The following SPAG1 variants were observed in gnomAD, a reference collection of about 807,000 sequenced individuals.
The protein encoded by SPAG1 is sperm-associated antigen 1.
Under a neutral mutation model 100.5 loss-of-function variants are expected in SPAG1, and 69 were observed. The ratio of observed to expected loss-of-function variants is 0.69; its 90% CI spans 0.57 to 0.84. The LOEUF is 0.84. SPAG1 is among the 40% of genes least tolerant of loss of function. The probability of loss-of-function intolerance (pLI) is 0.00; values close to 1 mark genes in which losing one functional copy is unlikely to be tolerated. For synonymous variants in SPAG1, 336 were observed against 411.6 expected, an observed-to-expected ratio of 0.82 and a Z score of 2.22; for missense variants, 955 against 1,133.1, an observed-to-expected ratio of 0.84 and a Z score of 2.26.
intron 2 of SPAG1, among the ~76,000 whole-genome samples, chr8:100,163,058 A>G (rs1051719634): frequency 6.6e-6 from 1 of 152,160 alleles, no homozygotes; most frequent in Non-Finnish European, 1.5e-5. Flanking sequence ...ATATCACCTG[A>G]CAACAAGGGA....
intron 14 of SPAG1, among the ~76,000 whole-genome samples, chr8:100,226,332 G>T (rs944018292): frequency 9.2e-5 from 14 of 152,110 alleles, no homozygotes; most frequent in Non-Finnish European, 1.9e-4. Flanking sequence ...TGTCTCACAA[G>T]GAGGTTGTCA....
chr8:100,206,132 T>C (rs1288591696), intron 10 of SPAG1, among the ~76,000 whole-genome samples: 1 of 150,200 alleles, frequency 6.7e-6, no homozygotes, highest in Non-Finnish European at 1.5e-5. Flanking sequence ...GACCGATGGA[T>C]CTTGGAGCAT....
At chr8:100,218,652 T>C (rs1405831856) in intron 12 of SPAG1, among the ~76,000 whole-genome samples, 3 of 152,348 alleles carry the variant, frequency 2.0e-5, no homozygotes, top group South Asian at 2.1e-4. Flanking sequence ...AAGAAAAAAC[T>C]AGCACAGCAC....
At chr8:100,188,102 GC>G (rs1181649340) in intron 8 of SPAG1, among the ~76,000 whole-genome samples, 1 of 151,942 alleles carries the variant, frequency 6.6e-6, no homozygotes, top group Non-Finnish European at 1.5e-5. Context: ...TGATCCACCT[GC>G]TTCAGCCTCC....
At chr8:100,232,346 C>G (rs1818813325) in intron 15 of SPAG1, among the ~76,000 whole-genome samples, 1 of 152,076 alleles carries the variant, frequency 6.6e-6, no homozygotes, top group South Asian at 2.1e-4. Context: ...TTCTGAGGGT[C>G]TAGATCCTTT....
chr8:100,206,382 C>A (rs1373712238), intron 10 of SPAG1, among the ~76,000 whole-genome samples: 1 of 152,160 alleles, frequency 6.6e-6, no homozygotes, highest in Admixed American at 6.5e-5. Flanking sequence ...ATCAACTCTG[C>A]GGCTTTGTGT....
In SPAG1 at chr8:100,239,269, TAA is replaced by T. The variant is rs753714871; in HGVS notation, c.2147_2148del (p.Lys716SerfsTer10). On this transcript the variant is annotated frameshift_variant, in exon 17 of 19. Transcript: ENST00000388798. LOFTEE classifies it high-confidence loss of function. The surrounding 1 kb of genome is among the most constrained non-coding windows in gnomAD (Gnocchi z 5.0). ...NYQKSLIDLNKVILLDPSIIE... is the reference protein window; with the variant it reads ...NYQKSLIDLNXVILLDPSIIE... ...ATCAGAAAAGCTTAATTGATCTCAA[TAA>T]AGTTATCCTACTAGATCCAAGTATT... 2 of 1,524,826 alleles carry T rather than the reference TAA, an allele frequency of 1.3e-6. No individual in the cohort carries two copies. The highest frequency in any genetic ancestry group is 1.8e-6 in the Non-Finnish European group (2 of 1,137,802). 94.5% of individuals were successfully genotyped at this position (1,524,826 alleles called of 1,614,324 possible).
At chr8:100,214,430 GCA>G (rs1360634813) in intron 12 of SPAG1, among the ~76,000 whole-genome samples, 2 of 152,116 alleles carry the variant, frequency 1.3e-5, no homozygotes, top group Admixed American at 1.3e-4. Flanking sequence ...AATGCCCTTT[GCA>G]CATCTTATCT....
intron 1 of SPAG1, 116 bp downstream of exon 1, chr8:100,158,732 G>A (rs1329588154): frequency 6.6e-6 from 1 of 152,198 alleles, no homozygotes; most frequent in African/African-American, 2.4e-5. Context: ...TGCAAACAGA[G>A]GTGGAAGAGT....
rs1692006 is a variant in SPAG1 at position 100,240,234 on chromosome 8, C to T, written c.2281-169C>T. 0.64 allele frequency among the ~76,000 whole-genome samples: 97,350 copies of T among 151,990 alleles called. 31,447 individuals carry two copies. The highest frequency in any genetic ancestry group is 0.72 in the African/African-American group (29,855 of 41,466). On this transcript the variant is annotated intron_variant, in intron 17 of 18. Transcript: ENST00000388798. Reference sequence around the variant, plus strand: ...TAAAACTTTTATGAATTGGATCTTACACCCTAAAACTTCTCTTCCTAAAAA... The same window carrying T: ...TAAAACTTTTATGAATTGGATCTTATACCCTAAAACTTCTCTTCCTAAAAA...
At position 100,213,219 on chromosome 8, in the gene SPAG1, C is replaced by T. The variant is rs544372581; in HGVS notation, c.1226C>T (p.Thr409Ile). ...PARGAPQRGQ[T>I]PEAGADKRSP... is the part of the protein sequence containing the mutation. ...AGGGGCGCGCCGCAGCGGGGCCAGACCCCGGAGGCCGGCGCGGACAAGCGG... is the reference window on the plus strand; with the variant it reads ...AGGGGCGCGCCGCAGCGGGGCCAGATCCCGGAGGCCGGCGCGGACAAGCGG... The change falls in exon 11 of 19, where the codon ACC becomes ATC. Residue 409 changes from threonine (T) to isoleucine (I), a missense_variant. Transcript: ENST00000388798. The T allele has an allele frequency of 7.1e-6, 10 of 1,400,560 alleles. No homozygotes were observed. In the South Asian group the frequency reaches 1.4e-4, roughly 20 times the overall value. The allele number at this position is 1,400,560 out of a possible 1,614,324, so 86.8% of individuals were successfully genotyped here. A position where few individuals can be genotyped will look rare whatever the true frequency, so the allele number is the denominator to read the frequency against.
intron 4 of SPAG1, among the ~76,000 whole-genome samples, chr8:100,179,112 G>A (rs957525854): frequency 6.6e-6 from 1 of 151,244 alleles, no homozygotes; most frequent in East Asian, 1.9e-4. Context: ...TCTGGGCATG[G>A]TGGCTCACAC....
chr8:100,172,384 C>T (rs1001589008), intron 3 of SPAG1, among the ~76,000 whole-genome samples: 2 of 152,028 alleles, frequency 1.3e-5, no homozygotes, highest in African/African-American at 4.8e-5. Flanking sequence ...TTTGGGAGGC[C>T]GAGGCAGGCG....
In SPAG1 at chr8:100,239,798, C is replaced by G. The variant is rs1192327172; in HGVS notation, c.2280+394C>G. Among the ~76,000 whole-genome samples, 1 of 152,222 alleles carries G rather than the reference C, an allele frequency of 6.6e-6. No individual in the cohort carries two copies. Among genetic ancestry groups the G allele is most frequent in the East Asian group, 1.9e-4 (1 of 5,198 alleles). On this transcript the variant is annotated intron_variant, in intron 17 of 18. Coordinates refer to ENST00000388798, the MANE Select transcript of SPAG1 (RefSeq NM_003114.5). This position sits in a 1 kb window ranked among gnomAD's most constrained non-coding sequence, Gnocchi z 5.0. ...CTCATAGAGATTATCCAGATTGATT[C>G]AGACCTTTTTAGCACTCTGAAATAT... is the stretch of plus-strand genomic sequence containing the variant.
chr8:100,198,591 C>A (rs748977711), intron 10 of SPAG1, among the ~76,000 whole-genome samples: 1 of 152,020 alleles, frequency 6.6e-6, no homozygotes, highest in African/African-American at 2.4e-5. Flanking sequence ...AAAAATAGTA[C>A]CCTTTGTTGT....
intron 3 of SPAG1, among the ~76,000 whole-genome samples, chr8:100,174,986 T>C (rs1244813315): frequency 7.8e-6 from 1 of 128,946 alleles, no homozygotes; most frequent in African/African-American, 3.1e-5. Context: ...TTTTTTTTTT[T>C]CTTAGAGATG....
At chr8:100,225,106 A>T in intron 13 of SPAG1, 67 bp from the exon 14 acceptor site, 2 of 1,329,946 alleles carry the variant, frequency 1.5e-6, no homozygotes, top group Non-Finnish European at 2.1e-6. Flanking sequence ...TTTTATTCTT[A>T]ATCTGACCTT....
intron 2 of SPAG1, among the ~76,000 whole-genome samples, chr8:100,164,761 T>G (rs957876560): frequency 1.3e-5 from 2 of 152,228 alleles, no homozygotes; most frequent in African/African-American, 2.4e-5. Context: ...TTCATTGATA[T>G]GTTTATTGAC....
intron 3 of SPAG1, among the ~76,000 whole-genome samples, chr8:100,168,685 A>ATTTTTTTTT (rs1815675727): frequency 1.8e-5 from 1 of 55,380 alleles, no homozygotes; most frequent in African/African-American, 8.9e-5. Flanking sequence ...ATGCCCAGCC[A>ATTTTTTTTT]TCTTTTTTTT....
Sources: gnomAD v4.1 joint callset for allele counts (sites outside exome capture counted in the v4.1 genomes callset) on GRCh38, gnomAD v4.1.1 for gene constraint, Gnocchi (gnomAD v3.1) non-coding constraint, MANE v1.5 for transcripts, NCBI Gene and HGNC (gene_info 2026-07-23, HGNC 2026-07-21) for gene names.